Variants in NFATC2IP observed in about 807,000 individuals in gnomAD.
NFATC2IP encodes the protein nuclear factor of activated T cells 2 interacting protein.
Under a neutral mutation model 40.2 loss-of-function variants are expected in NFATC2IP, and 25 were observed. The observed-to-expected ratio is 0.62, with a 90% CI of 0.45 to 0.87. NFATC2IP has a LOEUF of 0.87. NFATC2IP is among the 40% of genes least tolerant of loss of function. The pLI, the probability that NFATC2IP is intolerant of heterozygous loss-of-function variation, is 0.00. For synonymous variants in NFATC2IP, 241 were observed against 236.3 expected (o/e 1.02, Z -0.18); for missense variants, 553 against 555.6 (o/e 1.00, Z 0.05).
intron 2 of NFATC2IP, among the ~76,000 whole-genome samples, chr16:28,954,134 T>A (rs1964994634): frequency 6.6e-6 from 1 of 152,084 alleles, no homozygotes; most frequent in Non-Finnish European, 1.5e-5. Flanking sequence ...GCCCTCCACA[T>A]TTTGATAACC....
chr16:28,957,331 C>T (rs1314698110), intron 5 of NFATC2IP, among the ~76,000 whole-genome samples: 1 of 151,104 alleles, frequency 6.6e-6, no homozygotes, highest in Non-Finnish European at 1.5e-5. Flanking sequence ...CCGTGCCTGG[C>T]CTATTTTATT....
At position 28,967,056 on chromosome 16, in the gene NFATC2IP, T is replaced by C. The variant is rs1432709768; in HGVS notation, c.*3193T>C. 6.6e-6 allele frequency: 1 copy of C among 152,216 alleles called. No individual in the cohort carries two copies. The highest frequency in any genetic ancestry group is 1.5e-5 in the Non-Finnish European group (1 of 68,044). The allele number at this position is 152,216 out of a possible 1,614,324, so 9.4% of individuals were successfully genotyped here. ...TAAGTTTGAATACGTTAAAATTATATGTTTAACCTCAACAAAATAAATGGC... is the reference window on the plus strand; with the variant it reads ...TAAGTTTGAATACGTTAAAATTATACGTTTAACCTCAACAAAATAAATGGC... On this transcript the variant is annotated 3_prime_UTR_variant, in exon 8 of 8. Coordinates refer to ENST00000320805, the MANE Select transcript of NFATC2IP (RefSeq NM_032815.4).
rs763461792 is a variant in NFATC2IP at position 28,952,195 on chromosome 16, G to A, written c.451G>A (p.Asp151Asn). ...CCTCCTGAAACTCTACCCTCCAGGG[G>A]ATGAGGAAGGTAAGGGAGGGCCTCC... ...LSLLKLYPPG[D>N]EEEAELADSS... Residue 151 changes from aspartate (D) to asparagine (N), a missense_variant, in exon 2 of 8, where the codon GAT becomes AAT. Physicochemically the swap from Asp to Asn is conservative, Grantham distance 23 (BLOSUM62 1). Transcript: ENST00000320805. 2.9e-5 allele frequency: 47 copies of A among 1,613,486 alleles called. No homozygotes were observed. Among genetic ancestry groups the A allele is most frequent in the Non-Finnish European group, 3.7e-5 (44 of 1,179,632 alleles).
chr16:28,952,312 G>A (rs780680550), intron 2 of NFATC2IP, 108 bp downstream of exon 2: 3 of 1,537,192 alleles, frequency 2.0e-6, no homozygotes, highest in Non-Finnish European at 2.6e-6. Flanking sequence ...CAAGGGAAGA[G>A]CGTGGGAGAG....
At chr16:28,952,919 A>G (rs2141638803) in intron 2 of NFATC2IP, among the ~76,000 whole-genome samples, 1 of 152,030 alleles carries the variant, frequency 6.6e-6, no homozygotes, top group South Asian at 2.1e-4. Context: ...TATTTTTAAT[A>G]GAGATGGGGT....
chr16:28,952,997 A>G (rs1448035983), intron 2 of NFATC2IP, among the ~76,000 whole-genome samples: 1 of 151,454 alleles, frequency 6.6e-6, no homozygotes, highest in African/African-American at 2.4e-5. Context: ...TAGCTTCCCA[A>G]ATTGCTGGGA....
chr16:28,951,264 C>T lies in NFATC2IP; in HGVS notation c.253C>T (p.Arg85Trp), dbSNP rs1297021836. The stretch of plus-strand genomic sequence containing the variant: ...GGAGCCCCCGGGGCCGGTCGCGTCC[C>T]GGGATAACAGCAACAGTGACAGCGA... ...PPEPPGPVASRDNSNSDSEGE... is the reference protein window; with the variant it reads ...PPEPPGPVASWDNSNSDSEGE... The change falls in exon 1 of 8, where the codon CGG becomes TGG. Residue 85 changes from arginine to tryptophan, a missense_variant. Transcript: ENST00000320805. The T allele has an allele frequency of 4.1e-6, 6 of 1,479,524 alleles. No homozygotes were observed. The African/African-American group carries it at 4.3e-5, about 11-fold the overall frequency. 91.6% of individuals were successfully genotyped at this position (1,479,524 alleles called of 1,614,324 possible).
chr16:28,959,559 C>T (rs1447329123), intron 7 of NFATC2IP, among the ~76,000 whole-genome samples: 6 of 147,022 alleles, frequency 4.1e-5, no homozygotes, highest in Non-Finnish European at 5.9e-5. Flanking sequence ...GAATAAGCAA[C>T]TTGGTGCAGT....
chr16:28,963,622 C>T, intron 7 of NFATC2IP, 83 bp from the exon 8 acceptor site: 1 of 1,262,078 alleles, frequency 7.9e-7, no homozygotes. Context: ...GCCATCCTCC[C>T]TGTCCCAAGT....
intron 3 of NFATC2IP, among the ~76,000 whole-genome samples, chr16:28,955,447 G>A (rs1965010147): frequency 6.6e-6 from 1 of 152,038 alleles, no homozygotes; most frequent in South Asian, 2.1e-4. Flanking sequence ...ACATTTTCCT[G>A]GGAAGTGACA....
chr16:28,960,337 A>C (rs964432714), intron 7 of NFATC2IP, among the ~76,000 whole-genome samples: 1 of 152,164 alleles, frequency 6.6e-6, no homozygotes, highest in African/African-American at 2.4e-5. Context: ...TCTAGCCCCC[A>C]CCAAATTCAT....
intron 7 of NFATC2IP, among the ~76,000 whole-genome samples, chr16:28,961,917 A>AAG (rs1321447662): frequency 4.7e-5 from 7 of 150,530 alleles, no homozygotes; most frequent in Admixed American, 3.3e-4. Context: ...AAAAAAAAAA[A>AAG]AAAAAAGACA....
intron 7 of NFATC2IP, among the ~76,000 whole-genome samples, chr16:28,961,325 GAAA>G (rs138576594): frequency 0.058 from 3,016 of 51,836 alleles, 42 homozygotes; most frequent in Middle Eastern, 0.12. Flanking sequence ...GACCCTATCT[GAAA>G]AAAAAAAAAA....
At chr16:28,955,660 G>A (rs981807117) in intron 3 of NFATC2IP, among the ~76,000 whole-genome samples, 8 of 151,996 alleles carry the variant, frequency 5.3e-5, no homozygotes, top group Non-Finnish European at 7.4e-5. Context: ...GTGCAGTGGC[G>A]TGATCATAGC....
chr16:28,954,435 T>G, intron 2 of NFATC2IP, 130 bp from the exon 3 acceptor site: 1 of 608,450 alleles, frequency 1.6e-6, no homozygotes. Flanking sequence ...CATGTGGCCC[T>G]GTGTGTGCCA....
intron 5 of NFATC2IP, 112 bp downstream of exon 5, chr16:28,956,449 T>C: frequency 1.4e-6 from 1 of 715,960 alleles, no homozygotes; most frequent in Non-Finnish European, 2.3e-6. Context: ...CCCATCCTGC[T>C]CTCTAGAGCT....
rs930634350 is a variant in NFATC2IP, at chr16:28,951,267, G to T, written c.256G>T (p.Asp86Tyr). 1.4e-4 allele frequency: 210 copies of T among 1,480,278 alleles called. No individual in the cohort carries two copies. Among genetic ancestry groups the T allele is most frequent in the Non-Finnish European group, 1.8e-4 (204 of 1,109,956 alleles). 91.7% of individuals were successfully genotyped at this position (1,480,278 alleles called of 1,614,324 possible). ...PEPPGPVASR[D>Y]NSNSDSEGED... is the part of the protein sequence containing the mutation. ...GCCCCCGGGGCCGGTCGCGTCCCGG[G>T]ATAACAGCAACAGTGACAGCGAAGG... The change falls in exon 1 of 8, where the codon GAT becomes TAT. Residue 86 changes from aspartate (D) to tyrosine (Y), a missense_variant. Asp to Tyr is a radical substitution (Grantham distance 160). Transcript: ENST00000320805.
Position 28,951,112 on chromosome 16 carries a change from C to G in NFATC2IP, c.101C>G (p.Ala34Gly). The G allele has an allele frequency of 1.3e-6, 2 of 1,544,428 alleles. No individual in the cohort carries two copies. Among genetic ancestry groups the G allele is most frequent in the Non-Finnish European group, 8.7e-7 (1 of 1,143,804 alleles). ...GWGGRGRRPRAQRSPSRGTLD... is the reference protein window; with the variant it reads ...GWGGRGRRPRGQRSPSRGTLD... Reference sequence around the variant, plus strand: ...GGCGGTCGGGGCCGGCGTCCTCGGGCCCAGCGGTCTCCATCCCGGGGCACG... The same window carrying G: ...GGCGGTCGGGGCCGGCGTCCTCGGGGCCAGCGGTCTCCATCCCGGGGCACG... The change falls in exon 1 of 8, where the codon GCC becomes GGC. Residue 34 changes from alanine to glycine, a missense_variant. Ala to Gly is a moderately conservative substitution (Grantham distance 60). Coordinates refer to ENST00000320805, the MANE Select transcript of NFATC2IP (RefSeq NM_032815.4).
Position 28,951,117 on chromosome 16 carries a change from C to A in NFATC2IP, c.106C>A (p.Arg36=), listed in dbSNP as rs762349944. ...TCGGGGCCGGCGTCCTCGGGCCCAG[C>A]GGTCTCCATCCCGGGGCACGCTGGA... ...GGRGRRPRAQ[R]SPSRGTLDVV... is the part of the protein sequence containing the mutation. The change falls in exon 1 of 8, where the codon CGG becomes AGG. Residue 36 remains arginine, a synonymous_variant. Coordinates refer to ENST00000320805, the MANE Select transcript of NFATC2IP (RefSeq NM_032815.4). 3.2e-6 allele frequency: 5 copies of A among 1,544,312 alleles called. No individual in the cohort carries two copies. The South Asian group carries it at 4.8e-5, about 15-fold the overall frequency.
Sources: gnomAD v4.1 joint callset for allele counts (sites outside exome capture counted in the v4.1 genomes callset) on GRCh38, gnomAD v4.1.1 for gene constraint, MANE v1.5 for transcripts, NCBI Gene and HGNC (gene_info 2026-07-23, HGNC 2026-07-21) for gene names.